Variants in NRXN3 observed in about 807,000 individuals in gnomAD.
NRXN3 encodes the protein neurexin 3.
NRXN3 carries 32 observed loss-of-function variants against 137.6 expected under a neutral mutation model. The observed-to-expected ratio is 0.23, with a 90% CI of 0.18 to 0.31. The LOEUF (loss-of-function observed/expected upper bound fraction) is 0.31, where lower values mean the gene tolerates loss of function less well. NRXN3 is among the 10% of genes least tolerant of loss of function. The pLI is 1.00. For synonymous variants in NRXN3, 798 were observed against 784.5 expected, an observed-to-expected ratio of 1.02 and a Z score of -0.29; for missense variants, 1,574 against 2,062.5, an observed-to-expected ratio of 0.76 and a Z score of 4.59.
chr14:79,386,634 A>G (rs530255546), intron 15 of NRXN3, among the ~76,000 whole-genome samples: 1 of 152,292 alleles, frequency 6.6e-6, no homozygotes, highest in Non-Finnish European at 1.5e-5. Flanking sequence ...AAAGGAGCCC[A>G]CATTGCCAAG....
chr14:78,277,449 A>G (rs1390550564), intron 2 of NRXN3, among the ~76,000 whole-genome samples: 1 of 152,196 alleles, frequency 6.6e-6, no homozygotes, highest in African/African-American at 2.4e-5. Flanking sequence ...ACTAGGTGGT[A>G]TGCAAGAGAT....
At chr14:79,139,389 A>G (rs8014256) in intron 15 of NRXN3, among the ~76,000 whole-genome samples, 149,774 of 152,322 alleles carry the variant, frequency 0.98, 73,686 homozygotes, top group Middle Eastern at 1. Context: ...GTTACTTGAT[A>G]TATTCGGTTA....
Position 79,805,199 on chromosome 14 carries a change from G to A in NRXN3, c.4093+9G>A. 1 of 1,611,538 alleles carries A rather than the reference G, an allele frequency of 6.2e-7. No individual in the cohort carries two copies. On this transcript the variant is annotated intron_variant, in intron 20 of 20. Transcript: ENST00000335750. Reference sequence around the variant, plus strand: ...ATGTGAGCCGAGTACAGGTAGGTCAGGTCAGTCTTATTTTGCTTGCTTTCT... The same window carrying A: ...ATGTGAGCCGAGTACAGGTAGGTCAAGTCAGTCTTATTTTGCTTGCTTTCT...
At chr14:78,260,358 G>T (rs1239052658) in intron 2 of NRXN3, among the ~76,000 whole-genome samples, 3 of 152,190 alleles carry the variant, frequency 2.0e-5, no homozygotes, top group Non-Finnish European at 4.4e-5. Flanking sequence ...ACTGTTCTTG[G>T]ACTGGCTCTC....
At chr14:79,275,904 C>G (rs1418541864) in intron 15 of NRXN3, among the ~76,000 whole-genome samples, 1 of 152,032 alleles carries the variant, frequency 6.6e-6, no homozygotes, top group Non-Finnish European at 1.5e-5. Context: ...CGTGGTTGTT[C>G]CTGTGAAATT....
At chr14:78,816,959 A>G (rs2098935456) in intron 10 of NRXN3, among the ~76,000 whole-genome samples, 1 of 152,354 alleles carries the variant, frequency 6.6e-6, no homozygotes, top group South Asian at 2.1e-4. Context: ...GACTTTGGTG[A>G]CAACTTATAT....
At chr14:78,248,136 G>A (rs1018504486) in intron 2 of NRXN3, among the ~76,000 whole-genome samples, 1 of 152,212 alleles carries the variant, frequency 6.6e-6, no homozygotes, top group African/African-American at 2.4e-5. Context: ...GTGGACTTGA[G>A]TGGGTGCCCA....
At chr14:78,660,418 G>A (rs1434243631) in intron 6 of NRXN3, among the ~76,000 whole-genome samples, 1 of 151,966 alleles carries the variant, frequency 6.6e-6, no homozygotes, top group Admixed American at 6.6e-5. Flanking sequence ...ATCAATTAGA[G>A]ACTCCTAATT....
chr14:78,357,146 AAG>A (rs1194999858), intron 4 of NRXN3, among the ~76,000 whole-genome samples: 1 of 152,214 alleles, frequency 6.6e-6, no homozygotes, highest in Non-Finnish European at 1.5e-5. Flanking sequence ...TTACAAAGGA[AAG>A]AGATTTAATG....
intron 8 of NRXN3, among the ~76,000 whole-genome samples, chr14:78,759,335 T>C (rs1322106400): frequency 6.6e-6 from 1 of 152,216 alleles, no homozygotes; most frequent in Non-Finnish European, 1.5e-5. Context: ...CCAGGTGCAT[T>C]ATATACGATA....
chr14:79,354,621 C>A (rs770253890), intron 15 of NRXN3, among the ~76,000 whole-genome samples: 14 of 152,104 alleles, frequency 9.2e-5, no homozygotes, highest in Non-Finnish European at 1.8e-4. Context: ...AGAAGGTATT[C>A]AAGAAATGGT....
rs902921505 is a variant in NRXN3 at position 79,867,322 on chromosome 14, G to A, written c.*5358G>A. 2 of 152,202 alleles carry A rather than the reference G, an allele frequency of 1.3e-5. No homozygotes were observed. The highest frequency in any genetic ancestry group is 4.8e-5 in the African/African-American group (2 of 41,450). The allele number at this position is 152,202 out of a possible 1,614,324, so 9.4% of individuals were successfully genotyped here. ...GGGATTACCCTGGCAAAATACCACAGGCTGGGTAGACAACTGAAATGTATT... is the reference window on the plus strand; with the variant it reads ...GGGATTACCCTGGCAAAATACCACAAGCTGGGTAGACAACTGAAATGTATT... On this transcript the variant is annotated 3_prime_UTR_variant, in exon 21 of 21. Transcript: ENST00000335750.
chr14:79,591,445 AT>A (rs1456083291), intron 16 of NRXN3, among the ~76,000 whole-genome samples: 1 of 152,188 alleles, frequency 6.6e-6, no homozygotes, highest in Non-Finnish European at 1.5e-5. Flanking sequence ...TGGTCCACAA[AT>A]TTGTCAATAT....
At chr14:78,724,943 T>G (rs928520660) in intron 8 of NRXN3, among the ~76,000 whole-genome samples, 4 of 152,180 alleles carry the variant, frequency 2.6e-5, no homozygotes, top group Non-Finnish European at 5.9e-5. Flanking sequence ...AAAGACCCCC[T>G]TCTGTGGGCT....
chr14:79,053,475 C>T (rs1482030216), intron 15 of NRXN3, among the ~76,000 whole-genome samples: 3 of 152,136 alleles, frequency 2.0e-5, no homozygotes, highest in Non-Finnish European at 4.4e-5. Flanking sequence ...TGGGCGATAT[C>T]TACCTTTCCT....
At chr14:79,175,033 T>C (rs2062173229) in intron 15 of NRXN3, among the ~76,000 whole-genome samples, 1 of 148,636 alleles carries the variant, frequency 6.7e-6, no homozygotes, top group Non-Finnish European at 1.5e-5. Context: ...CAGGCTGGAG[T>C]GCAGTGGTGC....
chr14:78,373,057 G>A (rs1478789540), intron 4 of NRXN3, among the ~76,000 whole-genome samples: 1 of 152,206 alleles, frequency 6.6e-6, no homozygotes, highest in Non-Finnish European at 1.5e-5. Flanking sequence ...TGAAAAGGAA[G>A]TATCTAAAAT....
chr14:78,810,113 GTA>G (rs1229559862), intron 9 of NRXN3, among the ~76,000 whole-genome samples: 6 of 150,936 alleles, frequency 4.0e-5, no homozygotes, highest in Admixed American at 1.3e-4. Flanking sequence ...GTGTGTGTGT[GTA>G]TATATATATG....
chr14:78,540,210 T>C (rs186531610), intron 4 of NRXN3, among the ~76,000 whole-genome samples: 1 of 152,290 alleles, frequency 6.6e-6, no homozygotes, highest in East Asian at 1.9e-4. Context: ...AGTGGGGTTT[T>C]AAAGTCTCCC....
Sources: allele counts gnomAD v4.1 joint callset (sites outside exome capture counted in the v4.1 genomes callset), GRCh38; gene constraint gnomAD v4.1.1; transcripts MANE v1.5; gene names NCBI Gene and HGNC (gene_info 2026-07-23, HGNC 2026-07-21).